GRIN2A: variants seen among roughly 807,000 people sequenced by gnomAD.
The protein encoded by GRIN2A is glutamate ionotropic receptor NMDA type subunit 2A.
Under a neutral mutation model 113.4 loss-of-function variants are expected in GRIN2A, and 22 were observed. The ratio of observed to expected loss-of-function variants is 0.19; its 90% CI spans 0.14 to 0.28. The LOEUF is 0.28. Ranked by LOEUF, GRIN2A falls within the 10% of genes least tolerant of loss-of-function variation. GRIN2A has a pLI of 1.00. For missense variants in GRIN2A, 1,502 were observed against 1,887.0 expected, an observed-to-expected ratio of 0.80 and a Z score of 3.78; for synonymous variants, 827 against 738.4, an observed-to-expected ratio of 1.12 and a Z score of -1.94.
At chr16:10,117,265 T>C (rs2142167148) in intron 2 of GRIN2A, among the ~76,000 whole-genome samples, 1 of 152,322 alleles carries the variant, frequency 6.6e-6, no homozygotes, top group African/African-American at 2.4e-5. Flanking sequence ...GGTTCACTTT[T>C]AATAGAAAAT....
intron 2 of GRIN2A, among the ~76,000 whole-genome samples, chr16:10,024,070 G>A (rs1248233906): frequency 6.6e-6 from 1 of 152,122 alleles, no homozygotes; most frequent in Non-Finnish European, 1.5e-5. Flanking sequence ...CCAAAGACAT[G>A]TTCTTAAGAA....
chr16:9,938,643 C>A (rs1567188291), intron 2 of GRIN2A, 92 bp from the exon 3 acceptor site: 2 of 844,590 alleles, frequency 2.4e-6, no homozygotes, highest in East Asian at 2.5e-5. Context: ...GAAAGTAAAT[C>A]ACACATCAAT....
At chr16:10,001,219 G>A (rs1437276462) in intron 2 of GRIN2A, among the ~76,000 whole-genome samples, 1 of 152,142 alleles carries the variant, frequency 6.6e-6, no homozygotes, top group Non-Finnish European at 1.5e-5. Context: ...TATACAAAGA[G>A]TGTTTATCCA....
At chr16:9,949,346 T>C (rs1240753800) in intron 2 of GRIN2A, among the ~76,000 whole-genome samples, 1 of 151,800 alleles carries the variant, frequency 6.6e-6, no homozygotes, top group Non-Finnish European at 1.5e-5. Context: ...GACGGATGAA[T>C]AGATTGGATG....
At chr16:9,858,862 A>G (rs1369485051) in intron 4 of GRIN2A, among the ~76,000 whole-genome samples, 4 of 152,200 alleles carry the variant, frequency 2.6e-5, no homozygotes, top group Admixed American at 2.0e-4. Context: ...GGCTGGAAGA[A>G]ATTAGGTTAA....
chr16:9,830,156 T>G (rs890923766), intron 8 of GRIN2A, among the ~76,000 whole-genome samples: 1 of 152,198 alleles, frequency 6.6e-6, no homozygotes, highest in African/African-American at 2.4e-5. Context: ...GTAAAGTGTG[T>G]ACAACATAAG....
At chr16:10,075,785 C>T (rs1268197808) in intron 2 of GRIN2A, among the ~76,000 whole-genome samples, 9 of 151,984 alleles carry the variant, frequency 5.9e-5, no homozygotes, top group Admixed American at 4.6e-4. Context: ...ACATTCATCT[C>T]GTCAATATCT....
chr16:9,869,900 A>G (rs1022402528), intron 4 of GRIN2A, among the ~76,000 whole-genome samples: 2 of 152,202 alleles, frequency 1.3e-5, no homozygotes, highest in African/African-American at 4.8e-5. Flanking sequence ...TGCAATGTGC[A>G]TGTTCTTGTA....
Position 9,760,282 on chromosome 16 carries a change from G to C in GRIN2A, c.*2867C>G, listed in dbSNP as rs899469404. On this transcript the variant is annotated 3_prime_UTR_variant, in exon 13 of 13. Transcript: ENST00000330684. ...ATTTACCACTGGACGTTACATTCCTGATATTCTTTTTGCAAAGACTGAACT... is the reference window on the plus strand; with the variant it reads ...ATTTACCACTGGACGTTACATTCCTCATATTCTTTTTGCAAAGACTGAACT... 9.3e-6 allele frequency: 2 copies of C among 215,198 alleles called. No homozygotes were observed. Among genetic ancestry groups the C allele is most frequent in the African/African-American group, 4.6e-5 (2 of 43,752 alleles). The allele number at this position is 215,198 out of a possible 1,614,324, so 13.3% of individuals were successfully genotyped here. A position where few individuals can be genotyped will look rare whatever the true frequency, so the allele number is the denominator to read the frequency against.
chr16:9,906,781 T>A (rs1039537755), intron 3 of GRIN2A, among the ~76,000 whole-genome samples: 1 of 152,230 alleles, frequency 6.6e-6, no homozygotes, highest in Non-Finnish European at 1.5e-5. Context: ...CATTTTGCAC[T>A]TTTTTGTGCC....
At chr16:9,861,097 T>A (rs988462635) in intron 4 of GRIN2A, among the ~76,000 whole-genome samples, 2 of 152,210 alleles carry the variant, frequency 1.3e-5, no homozygotes, top group Non-Finnish European at 2.9e-5. Context: ...AGGCTGCCTG[T>A]GCTCTAGTCT....
At position 9,763,551 on chromosome 16, in the gene GRIN2A, G is replaced by A; in HGVS notation, c.3993C>T (p.Val1331=). ...EGNFYGSLFS[V]PSSKLSGKKS... is the part of the protein sequence containing the mutation. ...TTTTCCCCGAGAGTTTGCTTGAGGGGACACTAAACAGGCTGCCGTAAAAAT... is the reference window on the plus strand; with the variant it reads ...TTTTCCCCGAGAGTTTGCTTGAGGGAACACTAAACAGGCTGCCGTAAAAAT... Residue 1331 remains valine (V), a synonymous_variant, in exon 13 of 13, where the codon GTC becomes GTT. Coordinates refer to ENST00000330684, the MANE Select transcript of GRIN2A (RefSeq NM_001134407.3). 1 of 1,613,978 alleles carries A rather than the reference G, an allele frequency of 6.2e-7. No homozygotes were observed. Among genetic ancestry groups the A allele is most frequent in the Non-Finnish European group, 8.5e-7 (1 of 1,179,962 alleles).
intron 5 of GRIN2A, among the ~76,000 whole-genome samples, chr16:9,849,439 G>A (rs1240156921): frequency 6.6e-6 from 1 of 151,886 alleles, no homozygotes; most frequent in African/African-American, 2.4e-5. Context: ...ACCACTGTTT[G>A]AGTCCTACCT....
At chr16:10,121,544 A>C (rs1194084188) in intron 2 of GRIN2A, 1 of 152,164 alleles carries the variant, frequency 6.6e-6, no homozygotes, top group African/African-American at 2.4e-5. Flanking sequence ...AGGTCTCAAG[A>C]AACAAAGTCA....
At chr16:10,082,566 G>A (rs2048005457) in intron 2 of GRIN2A, among the ~76,000 whole-genome samples, 2 of 152,218 alleles carry the variant, frequency 1.3e-5, no homozygotes, top group Non-Finnish European at 2.9e-5. Flanking sequence ...GATTACCCAA[G>A]GTGGGCCTGG....
At chr16:9,787,345 C>A (rs962213818) in intron 11 of GRIN2A, among the ~76,000 whole-genome samples, 3 of 152,216 alleles carry the variant, frequency 2.0e-5, no homozygotes. Flanking sequence ...TTAACTCTTT[C>A]AACCAATTGC....
intron 2 of GRIN2A, among the ~76,000 whole-genome samples, chr16:9,974,130 T>C (rs2045729405): frequency 6.6e-6 from 1 of 152,154 alleles, no homozygotes; most frequent in Non-Finnish European, 1.5e-5. Context: ...CATATAACAC[T>C]ATAGCATACA....
intron 3 of GRIN2A, among the ~76,000 whole-genome samples, chr16:9,910,296 A>G (rs1249398298): frequency 6.6e-6 from 1 of 152,184 alleles, no homozygotes; most frequent in Admixed American, 6.5e-5. Context: ...TGGTTGTACA[A>G]CATTGTGAAT....
chr16:9,853,464 G>C (rs1306306053), intron 4 of GRIN2A, among the ~76,000 whole-genome samples: 2 of 152,148 alleles, frequency 1.3e-5, no homozygotes, highest in Non-Finnish European at 2.9e-5. Flanking sequence ...GAAGATTGCT[G>C]TCTATGAACC....
Sources: allele counts gnomAD v4.1 joint callset (sites outside exome capture counted in the v4.1 genomes callset), GRCh38; gene constraint gnomAD v4.1.1; transcripts MANE v1.5; gene names NCBI Gene and HGNC (gene_info 2026-07-23, HGNC 2026-07-21).